CEP63: variants seen among roughly 807,000 people sequenced by gnomAD.
CEP63 encodes the protein centrosomal protein 63.
A neutral mutation model predicts 89.1 loss-of-function variants in CEP63; 84 were observed. The observed-to-expected ratio is 0.94, with a 90% CI of 0.79 to 1.13. The LOEUF (loss-of-function observed/expected upper bound fraction) is 1.13. Among genes scored for constraint, CEP63 ranks in the 50% most tolerant of loss-of-function variants. The probability of loss-of-function intolerance (pLI) is 0.00; values close to 1 mark genes in which losing one functional copy is unlikely to be tolerated. For missense variants in CEP63, 838 were observed against 813.3 expected (o/e 1.03, Z -0.37); for synonymous variants, 267 against 272.5 (o/e 0.98, Z 0.20).
At chr3:134,545,119 G>C (rs947790225) in intron 6 of CEP63, among the ~76,000 whole-genome samples, 3 of 151,708 alleles carry the variant, frequency 2.0e-5, no homozygotes, top group Non-Finnish European at 2.9e-5. Context: ...TCAGCCTCCC[G>C]ATCCCGAGTA....
At chr3:134,640,792 C>T in the CEP63 span, among the ~76,000 whole-genome samples, 1 of 152,226 alleles carries the variant, frequency 6.6e-6, no homozygotes, top group South Asian at 2.1e-4. Flanking sequence ...TGACTCCTCT[C>T]TTGTATACCC....
chr3:134,647,548 A>G, the CEP63 span: 8 of 1,155,382 alleles, frequency 6.9e-6, no homozygotes, highest in South Asian at 1.3e-5. Context: ...CAAAAGAGTG[A>G]TGTACCAGTT....
chr3:134,742,754 G>GGAGT, the CEP63 span, among the ~76,000 whole-genome samples: 3 of 152,218 alleles, frequency 2.0e-5, no homozygotes, highest in Non-Finnish European at 2.9e-5. Context: ...CTTAATGAAA[G>GGAGT]GGCTTTTGGG....
At chr3:134,549,971 A>C in intron 10 of CEP63, 92 bp from the exon 11 acceptor site, 1 of 909,430 alleles carries the variant, frequency 1.1e-6, no homozygotes, top group Non-Finnish European at 1.7e-6. Flanking sequence ...TCTTGAGATA[A>C]GGTGAACTTT....
the CEP63 span, chr3:134,641,221 C>T: frequency 2.6e-5 from 4 of 152,196 alleles, no homozygotes; most frequent in African/African-American, 7.2e-5. Context: ...TTAAATTGTC[C>T]CCTGGGATAG....
At chr3:134,651,613 A>G in the CEP63 span, 2 of 987,674 alleles carry the variant, frequency 2.0e-6, no homozygotes, top group Non-Finnish European at 2.4e-6. Flanking sequence ...TGTTGGAGTC[A>G]GGAGCTCCCC....
intron 3 of CEP63, among the ~76,000 whole-genome samples, chr3:134,514,569 T>C (rs532250889): frequency 6.6e-6 from 1 of 152,220 alleles, no homozygotes; most frequent in African/African-American, 2.4e-5. Context: ...AAAAAAAAGA[T>C]TATCTACAAA....
At chr3:134,537,812 C>T (rs1270029667) in intron 6 of CEP63, among the ~76,000 whole-genome samples, 1 of 152,168 alleles carries the variant, frequency 6.6e-6, no homozygotes, top group African/African-American at 2.4e-5. Flanking sequence ...AGTTAGTCTG[C>T]CTATGCGGAC....
chr3:134,622,893 G>T, the CEP63 span, among the ~76,000 whole-genome samples: 1 of 152,096 alleles, frequency 6.6e-6, no homozygotes, highest in African/African-American at 2.4e-5. Context: ...ACATCTCACT[G>T]CTCACAAGAG....
At chr3:134,769,906 C>G in the CEP63 span, among the ~76,000 whole-genome samples, 1 of 152,218 alleles carries the variant, frequency 6.6e-6, no homozygotes, top group Non-Finnish European at 1.5e-5. Flanking sequence ...TGTGCTAGGC[C>G]TAAGGGCAAG....
chr3:134,740,480 G>T, the CEP63 span, among the ~76,000 whole-genome samples: 2 of 152,056 alleles, frequency 1.3e-5, no homozygotes, highest in South Asian at 4.2e-4. Flanking sequence ...TGTAATTTTA[G>T]TAGAGATGGG....
the CEP63 span, among the ~76,000 whole-genome samples, chr3:134,745,266 G>A: frequency 6.6e-6 from 1 of 152,172 alleles, no homozygotes; most frequent in East Asian, 1.9e-4. Flanking sequence ...TTTTGTGTAT[G>A]TTGTCTGGAC....
intron 3 of CEP63, among the ~76,000 whole-genome samples, chr3:134,526,118 T>A (rs1948594892): frequency 6.6e-6 from 1 of 152,108 alleles, no homozygotes. Context: ...ATCTTGGGGG[T>A]TTTATTCATT....
the CEP63 span, among the ~76,000 whole-genome samples, chr3:134,769,834 G>A: frequency 6.6e-6 from 1 of 152,194 alleles, no homozygotes; most frequent in East Asian, 1.9e-4. Flanking sequence ...CCTCGAAAGG[G>A]CAGAAATGAC....
downstream of CEP63, among the ~76,000 whole-genome samples, chr3:134,591,472 T>C (rs1400002293): frequency 6.6e-6 from 1 of 152,194 alleles, no homozygotes; most frequent in Non-Finnish European, 1.5e-5. Flanking sequence ...GTGTTTGCTG[T>C]TGTTATGATT....
At chr3:134,722,608 A>G in the CEP63 span, among the ~76,000 whole-genome samples, 1 of 151,878 alleles carries the variant, frequency 6.6e-6, no homozygotes, top group Non-Finnish European at 1.5e-5. Flanking sequence ...GTAGTTTGTT[A>G]TTCTTTTTCT....
At chr3:134,545,147 G>A (rs1449031411) in intron 6 of CEP63, among the ~76,000 whole-genome samples, 1 of 151,708 alleles carries the variant, frequency 6.6e-6, no homozygotes, top group Non-Finnish European at 1.5e-5. Context: ...TTACAGGCAC[G>A]CGCCACCACG....
the CEP63 span, among the ~76,000 whole-genome samples, chr3:134,621,453 C>G: frequency 6.6e-6 from 1 of 152,200 alleles, no homozygotes; most frequent in East Asian, 1.9e-4. Context: ...GGTGTCAAGT[C>G]CATTCAGTGG....
chr3:134,658,244 G>A, the CEP63 span, among the ~76,000 whole-genome samples: 1 of 152,286 alleles, frequency 6.6e-6, no homozygotes, highest in African/African-American at 2.4e-5. Context: ...CATGGAGATT[G>A]AACAATTTTT....
Sources: gnomAD v4.1 joint callset for allele counts (sites outside exome capture counted in the v4.1 genomes callset) on GRCh38, gnomAD v4.1.1 for gene constraint, MANE v1.5 for transcripts, NCBI Gene and HGNC (gene_info 2026-07-23, HGNC 2026-07-21) for gene names.